SYNPO2: variants seen among roughly 807,000 people sequenced by gnomAD.
SYNPO2 encodes the protein synaptopodin 2.
In SYNPO2, 56 loss-of-function variants were observed where a neutral mutation model predicts 85.0. The ratio of observed to expected loss-of-function variants is 0.66; its 90% CI spans 0.53 to 0.82. The LOEUF (loss-of-function observed/expected upper bound fraction) is 0.82. Ranked by LOEUF, SYNPO2 falls within the 40% of genes least tolerant of loss-of-function variation. The pLI is 0.00. For synonymous variants in SYNPO2, 602 were observed against 591.1 expected, an observed-to-expected ratio of 1.02 and a Z score of -0.27; for missense variants, 1,575 against 1,534.2, an observed-to-expected ratio of 1.03 and a Z score of -0.44.
rs1395068967 is a variant in SYNPO2 at position 119,060,053 on chromosome 4, CTT to C, written c.*2120_*2121del. ...TTTGAATGTTTTAAGATAGGAGAGACTTAGCAGAAAATACTTGGCTTGCCAGG... is the reference window on the plus strand; with the variant it reads ...TTTGAATGTTTTAAGATAGGAGAGACAGCAGAAAATACTTGGCTTGCCAGG... On this transcript the variant is annotated 3_prime_UTR_variant, in exon 5 of 5. Coordinates refer to ENST00000307142, the MANE Select transcript of SYNPO2 (RefSeq NM_133477.3). 1.3e-5 allele frequency: 2 copies of C among 152,130 alleles called. No individual in the cohort carries two copies. Among genetic ancestry groups the C allele is most frequent in the Non-Finnish European group, 2.9e-5 (2 of 67,998 alleles). The allele number at this position is 152,130 out of a possible 1,614,324, so 9.4% of individuals were successfully genotyped here.
chr4:118,924,091 A>C (rs969511160), intron 1 of SYNPO2, among the ~76,000 whole-genome samples: 7 of 152,168 alleles, frequency 4.6e-5, no homozygotes, highest in Admixed American at 2.0e-4. Context: ...TAAATCAAAG[A>C]TTTAAATGTG....
chr4:118,874,948 T>G (rs1005821057), intron 1 of SYNPO2, among the ~76,000 whole-genome samples: 2 of 152,182 alleles, frequency 1.3e-5, no homozygotes, highest in African/African-American at 4.8e-5. Context: ...GGTAGTTTGC[T>G]GCACAGATCA....
intron 1 of SYNPO2, among the ~76,000 whole-genome samples, chr4:118,917,887 C>T (rs1733405371): frequency 6.6e-6 from 1 of 152,058 alleles, no homozygotes; most frequent in Admixed American, 6.6e-5. Context: ...AACATGATTG[C>T]AAAATATTGG....
intron 2 of SYNPO2, among the ~76,000 whole-genome samples, chr4:119,024,454 C>T (rs1013637258): frequency 1.3e-5 from 2 of 152,138 alleles, no homozygotes; most frequent in African/African-American, 4.8e-5. Flanking sequence ...AGAAACACTA[C>T]GCACAGTTAC....
At chr4:118,987,052 A>G (rs1302570590) in intron 1 of SYNPO2, among the ~76,000 whole-genome samples, 1 of 152,214 alleles carries the variant, frequency 6.6e-6, no homozygotes, top group Non-Finnish European at 1.5e-5. Flanking sequence ...TTTAAATCCC[A>G]TTATCCTTAT....
intron 1 of SYNPO2, among the ~76,000 whole-genome samples, chr4:118,901,731 G>A (rs184637334): frequency 2.3e-3 from 355 of 152,272 alleles, no homozygotes; most frequent in Non-Finnish European, 3.2e-3. Flanking sequence ...ATGAATTGAC[G>A]AGAAACCCTC....
intron 1 of SYNPO2, among the ~76,000 whole-genome samples, chr4:118,866,587 T>G (rs1377794099): frequency 6.6e-6 from 1 of 152,218 alleles, no homozygotes; most frequent in East Asian, 1.9e-4. Context: ...ATATCCCCTT[T>G]GATATGGTTT....
intron 1 of SYNPO2, among the ~76,000 whole-genome samples, chr4:118,866,783 C>T (rs1166906173): frequency 6.6e-6 from 1 of 152,160 alleles, no homozygotes; most frequent in Non-Finnish European, 1.5e-5. Context: ...GATGTGCTTG[C>T]TCCCCCTTCT....
Position 118,933,829 on chromosome 4 carries a change from G to T in SYNPO2, c.105+44688G>T, listed in dbSNP as rs200141680. 3.0e-3 allele frequency among the ~76,000 whole-genome samples: 306 copies of T among 102,296 alleles called. 1 individual carries two copies. The highest frequency in any genetic ancestry group is 6.9e-3 in the African/African-American group (201 of 29,294). The allele number at this position is 102,296 out of a possible 152,430, so 67.1% of individuals were successfully genotyped here. The stretch of plus-strand genomic sequence containing the variant: ...ATAGCTGCTTTTTGCTGTTGTTGTT[G>T]TTTTTTTTTTTTTTTTTGGACAGTA... On this transcript the variant is annotated intron_variant, in intron 1 of 4. Transcript: ENST00000307142.
At chr4:118,879,110 G>C (rs1254002317) in intron 1 of SYNPO2, among the ~76,000 whole-genome samples, 2 of 152,132 alleles carry the variant, frequency 1.3e-5, no homozygotes, top group Non-Finnish European at 1.5e-5. Context: ...AAGTGAACAA[G>C]ACCACAGAAC....
intron 1 of SYNPO2, among the ~76,000 whole-genome samples, chr4:118,864,917 T>C (rs1394579708): frequency 1.3e-5 from 2 of 152,206 alleles, no homozygotes; most frequent in Admixed American, 6.5e-5. Flanking sequence ...AGCTACATTA[T>C]ATATATTTCT....
rs1333102465 is a variant in SYNPO2 at position 119,060,498 on chromosome 4, T to C, written c.*2564T>C. 3 of 152,302 alleles carry C rather than the reference T, an allele frequency of 2.0e-5. No individual in the cohort carries two copies. The highest frequency in any genetic ancestry group is 2.4e-5 in the African/African-American group (1 of 41,570). 9.4% of individuals were successfully genotyped at this position (152,302 alleles called of 1,614,324 possible). Reference sequence around the variant, plus strand: ...AATGAATAAAGTTAGATTGCTCACATTGAAGCTAATGGTTGAGACAAGACA... The same window carrying C: ...AATGAATAAAGTTAGATTGCTCACACTGAAGCTAATGGTTGAGACAAGACA... On this transcript the variant is annotated 3_prime_UTR_variant, in exon 5 of 5. Transcript: ENST00000307142.
chr4:118,953,313 AC>A (rs1734758970), intron 1 of SYNPO2, among the ~76,000 whole-genome samples: 1 of 152,084 alleles, frequency 6.6e-6, no homozygotes, highest in Admixed American at 6.5e-5. Flanking sequence ...GTTTTTTTAT[AC>A]CCTGAACGTC....
intron 1 of SYNPO2, among the ~76,000 whole-genome samples, chr4:118,927,741 TA>T (rs1247741371): frequency 0.082 from 9,480 of 115,712 alleles, 471 homozygotes; most frequent in African/African-American, 0.12. Flanking sequence ...GATAGATAGA[TA>T]GATAGATGAT....
chr4:118,889,267 G>C (rs983861667), intron 1 of SYNPO2, 126 bp downstream of exon 1: 13 of 869,492 alleles, frequency 1.5e-5, no homozygotes, highest in Non-Finnish European at 1.9e-5. Context: ...CGGATATTAA[G>C]ATTTTTCTAG....
At chr4:118,858,118 C>T (rs1731539764) in intron 1 of SYNPO2, among the ~76,000 whole-genome samples, 1 of 152,172 alleles carries the variant, frequency 6.6e-6, no homozygotes, top group Non-Finnish European at 1.5e-5. Flanking sequence ...TTACAATCCT[C>T]CTTCATTAGA....
intron 1 of SYNPO2, among the ~76,000 whole-genome samples, chr4:118,897,296 C>A (rs112588836): frequency 0.085 from 12,921 of 152,054 alleles, 1,276 homozygotes; most frequent in African/African-American, 0.24. Context: ...TGATCCAATC[C>A]CCTCCCACCA....
intron 1 of SYNPO2, among the ~76,000 whole-genome samples, chr4:118,892,695 A>T (rs1732416047): frequency 6.6e-6 from 1 of 152,166 alleles, no homozygotes; most frequent in Admixed American, 6.5e-5. Context: ...CAGACTGTTT[A>T]TCCTTTATAT....
chr4:118,889,675 C>G (rs952189649), intron 1 of SYNPO2, among the ~76,000 whole-genome samples: 2 of 152,010 alleles, frequency 1.3e-5, no homozygotes, highest in Non-Finnish European at 2.9e-5. Context: ...AAAAGAATAC[C>G]CTTTTAAGGA....
Sources: allele counts gnomAD v4.1 joint callset (sites outside exome capture counted in the v4.1 genomes callset), GRCh38; gene constraint gnomAD v4.1.1; transcripts MANE v1.5; gene names NCBI Gene and HGNC (gene_info 2026-07-23, HGNC 2026-07-21).